SLC25A32: variants seen among roughly 807,000 people sequenced by gnomAD.
The protein encoded by SLC25A32 is Glycine auxotroph B, complementation of hamster.
SLC25A32 carries 32 observed loss-of-function variants against 39.0 expected under a neutral mutation model. The observed-to-expected ratio is 0.82, with a 90% CI of 0.62 to 1.10. The LOEUF is 1.10. Among genes scored for constraint, SLC25A32 ranks in the 50% least tolerant of loss-of-function variants. The probability of loss-of-function intolerance (pLI) is 0.00; values close to 1 mark genes in which losing one functional copy is unlikely to be tolerated. For synonymous variants in SLC25A32, 166 were observed against 152.4 expected, an observed-to-expected ratio of 1.09 and a Z score of -0.66; for missense variants, 367 against 395.3, an observed-to-expected ratio of 0.93 and a Z score of 0.61.
chr8:103,402,476 G>C (rs996997911), intron 4 of SLC25A32: 7 of 152,210 alleles, frequency 4.6e-5, no homozygotes, highest in African/African-American at 1.7e-4. Flanking sequence ...CTTGCTTATA[G>C]GTCAGTAAAA....
chr8:103,400,766 A>C (rs913016954), intron 6 of SLC25A32, among the ~76,000 whole-genome samples: 2 of 152,186 alleles, frequency 1.3e-5, no homozygotes, highest in Non-Finnish European at 2.9e-5. Context: ...GGGACACCTC[A>C]AAACTGAACT....
chr8:103,414,591 C>T, intron 1 of SLC25A32, 193 bp downstream of exon 1: 1 of 713,682 alleles, frequency 1.4e-6, no homozygotes, highest in Non-Finnish European at 2.3e-6. Context: ...CTCTCTTAGT[C>T]TTGAGGAGCG....
chr8:103,407,096 T>G (rs1816350154), intron 2 of SLC25A32, among the ~76,000 whole-genome samples: 1 of 152,174 alleles, frequency 6.6e-6, no homozygotes, highest in Non-Finnish European at 1.5e-5. Context: ...TCTAATCTAG[T>G]AATATTTTGA....
At chr8:103,405,470 G>A (rs951290048) in intron 2 of SLC25A32, among the ~76,000 whole-genome samples, 1 of 152,098 alleles carries the variant, frequency 6.6e-6, no homozygotes, top group Non-Finnish European at 1.5e-5. Flanking sequence ...TGAGCATGGT[G>A]AAAAGTAATA....
chr8:103,408,901 T>A (rs1401818181), intron 1 of SLC25A32, among the ~76,000 whole-genome samples: 1 of 152,246 alleles, frequency 6.6e-6, no homozygotes, highest in East Asian at 1.9e-4. Context: ...CATCCTACTT[T>A]GAGATACCAT....
rs1337296168 is a variant in SLC25A32, at chr8:103,414,948, C to A, written c.-11G>T. The A allele has an allele frequency of 1.8e-5, 29 of 1,594,202 alleles. No homozygotes were observed. Among genetic ancestry groups the A allele is most frequent in the Non-Finnish European group, 2.4e-5 (28 of 1,170,850 alleles). On this transcript the variant is annotated 5_prime_UTR_variant, in exon 1 of 7. Transcript: ENST00000297578. ...GCCCTGGCCCGTCATAGGCTCGGGG[C>A]CCGTCGACACCACGGCGCCCAGGGC...
intron 1 of SLC25A32, among the ~76,000 whole-genome samples, chr8:103,413,613 T>C (rs1205498032): frequency 6.6e-6 from 1 of 152,256 alleles, no homozygotes. Flanking sequence ...AAATACTCGA[T>C]AAAGATTACT....
At chr8:103,409,127 A>G (rs1816402707) in intron 1 of SLC25A32, among the ~76,000 whole-genome samples, 1 of 152,228 alleles carries the variant, frequency 6.6e-6, no homozygotes, top group African/African-American at 2.4e-5. Flanking sequence ...GGAATAATAC[A>G]GTATCAATTA....
Position 103,401,472 on chromosome 8 carries a change from A to G in SLC25A32, c.812+44T>C, listed in dbSNP as rs371908900. 53 of 1,568,140 alleles carry G rather than the reference A, an allele frequency of 3.4e-5. 1 individual carries two copies. The highest frequency in any genetic ancestry group is 3.4e-4 in the Middle Eastern group (2 of 5,926). The stretch of plus-strand genomic sequence containing the variant: ...TCAACAGGATGGTCTAAGATATGCA[A>G]GGTACCTTGTCAAAGCAATTTTTGA... On this transcript the variant is annotated intron_variant, in intron 6 of 6. Coordinates refer to ENST00000297578, the MANE Select transcript of SLC25A32 (RefSeq NM_030780.5).
chr8:103,400,606 A>C (rs954219494), intron 6 of SLC25A32, 60 bp from the exon 7 acceptor site: 72 of 1,564,924 alleles, frequency 4.6e-5, no homozygotes, highest in Admixed American at 5.3e-5. Context: ...AAAACACGGA[A>C]GTTCTAACTG....
intron 4 of SLC25A32, 49 bp downstream of exon 4, chr8:103,403,115 C>A (rs370949080): frequency 3.6e-6 from 5 of 1,383,280 alleles, no homozygotes; most frequent in East Asian, 5.0e-5. Flanking sequence ...ACAGAGCCAA[C>A]GGAAATTCAA....
Position 103,415,005 on chromosome 8 carries a change from A to ACCGTGGCGACGGTCGCCC in SLC25A32, c.-86_-69dup. ...GGTGGGACGCGATGCAGTGGCCGCC[A>ACCGTGGCGACGGTCGCCC]CCGTGGCGACGGTCGCCCCTTGTGA... On this transcript the variant is annotated 5_prime_UTR_variant, in exon 1 of 7. Coordinates refer to ENST00000297578, the MANE Select transcript of SLC25A32 (RefSeq NM_030780.5). 1.9e-6 allele frequency: 3 copies of ACCGTGGCGACGGTCGCCC among 1,586,644 alleles called. No homozygotes were observed. Among genetic ancestry groups the ACCGTGGCGACGGTCGCCC allele is most frequent in the Non-Finnish European group, 2.6e-6 (3 of 1,166,106 alleles).
intron 1 of SLC25A32, among the ~76,000 whole-genome samples, chr8:103,410,317 C>T (rs1816437569): frequency 6.6e-6 from 1 of 152,228 alleles, no homozygotes; most frequent in Non-Finnish European, 1.5e-5. Flanking sequence ...GGTCACACAG[C>T]AGCAGGTGAC....
intron 3 of SLC25A32, among the ~76,000 whole-genome samples, chr8:103,403,712 A>G (rs1278471763): frequency 2.0e-5 from 3 of 152,178 alleles, no homozygotes; most frequent in African/African-American, 7.2e-5. Flanking sequence ...GAGGGGTTGA[A>G]GATAGGCGAA....
Position 103,404,880 on chromosome 8 carries a change from A to C in SLC25A32, c.306-19T>G, listed in dbSNP as rs1452675534. 1.3e-6 allele frequency: 2 copies of C among 1,554,326 alleles called. No homozygotes were observed. Among genetic ancestry groups the C allele is most frequent in the Non-Finnish European group, 8.9e-7 (1 of 1,126,956 alleles). ...ATTGTAACTAAAAGAATTAAATGTG[A>C]GCAGTTTAATTTGAATAGGTGTCAT... On this transcript the variant is annotated intron_variant, in intron 2 of 6. Transcript: ENST00000297578.
intron 2 of SLC25A32, among the ~76,000 whole-genome samples, chr8:103,406,866 C>A (rs573994626): frequency 6.6e-6 from 1 of 152,252 alleles, no homozygotes; most frequent in East Asian, 1.9e-4. Flanking sequence ...AATGATACTT[C>A]AGTATTTATA....
chr8:103,404,682 T>C (rs1816289424), intron 3 of SLC25A32, 94 bp downstream of exon 3: 3 of 750,518 alleles, frequency 4.0e-6, no homozygotes, highest in Non-Finnish European at 4.5e-6. Flanking sequence ...GATGGGCATA[T>C]TTAAACTCAG....
At position 103,398,652 on chromosome 8, in the gene SLC25A32, A is replaced by G. The variant is rs148926574; in HGVS notation, c.*1759T>C. 8 of 152,348 alleles carry G rather than the reference A, an allele frequency of 5.3e-5. No individual in the cohort carries two copies. The highest frequency in any genetic ancestry group is 1.7e-4 in the African/African-American group (7 of 41,584). 9.4% of individuals were successfully genotyped at this position (152,348 alleles called of 1,614,324 possible). ...ACACAAGCTTGTATGCTCTCAGAGG[A>G]CAAGAATTATGTTTTATTCATTTGG... On this transcript the variant is annotated 3_prime_UTR_variant, in exon 7 of 7. Coordinates refer to ENST00000297578, the MANE Select transcript of SLC25A32 (RefSeq NM_030780.5).
At chr8:103,404,668 GT>G in intron 3 of SLC25A32, 107 bp downstream of exon 3, 1 of 669,472 alleles carries the variant, frequency 1.5e-6, no homozygotes, top group Non-Finnish European at 2.6e-6. Flanking sequence ...ATTTAATACA[GT>G]TAGATGGGCA....
Sources: gnomAD v4.1 joint callset for allele counts (sites outside exome capture counted in the v4.1 genomes callset) on GRCh38, gnomAD v4.1.1 for gene constraint, MANE v1.5 for transcripts, NCBI Gene and HGNC (gene_info 2026-07-23, HGNC 2026-07-21) for gene names.